ETF1: variants seen among roughly 807,000 people sequenced by gnomAD.
ETF1 encodes the protein eukaryotic peptide chain release factor subunit 1.
In ETF1, 4 loss-of-function variants were observed where a neutral mutation model predicts 55.1. The ratio of observed to expected loss-of-function variants is 0.07; its 90% CI spans 0.04 to 0.17. The LOEUF (loss-of-function observed/expected upper bound fraction) is 0.17. Ranked by LOEUF, ETF1 falls within the 10% of genes least tolerant of loss-of-function variation. ETF1 has a pLI of 1.00. For synonymous variants in ETF1, 157 were observed against 182.3 expected, an observed-to-expected ratio of 0.86 and a Z score of 1.12; for missense variants, 142 against 523.6, an observed-to-expected ratio of 0.27 and a Z score of 7.11.
chr5:138,523,741 A>G (rs1453609466), intron 2 of ETF1, among the ~76,000 whole-genome samples: 1 of 152,180 alleles, frequency 6.6e-6, no homozygotes, highest in Non-Finnish European at 1.5e-5. Flanking sequence ...TAGTGGTTGC[A>G]CAACTCTGGA....
chr5:138,526,068 G>C (rs1030926212), intron 2 of ETF1, among the ~76,000 whole-genome samples: 6 of 151,980 alleles, frequency 3.9e-5, no homozygotes, highest in Non-Finnish European at 5.9e-5. Flanking sequence ...ACCCTTAAAG[G>C]GTATATAAGT....
At chr5:138,517,094 G>A (rs191945160) in intron 4 of ETF1, among the ~76,000 whole-genome samples, 1 of 152,304 alleles carries the variant, frequency 6.6e-6, no homozygotes, top group East Asian at 1.9e-4. Context: ...GTCCAGGCTG[G>A]GCGGGGTTGC....
Position 138,529,608 on chromosome 5 carries a change from GT to G in ETF1, c.87-10742del, listed in dbSNP as rs1247646121. 34 of 985,262 alleles carry G rather than the reference GT, an allele frequency of 3.5e-5. No individual in the cohort carries two copies. In the African/African-American group the frequency reaches 5.9e-4, roughly 17 times the overall value. 61.0% of individuals were successfully genotyped at this position (985,262 alleles called of 1,614,324 possible). A position where few individuals can be genotyped will look rare whatever the true frequency, so the allele number is the denominator to read the frequency against. ...GCCTCTGCACTCAGATTCTCTTCTT[GT>G]TCTCATTGGTTTTAGGGGCACTTTG... On this transcript the variant is annotated intron_variant, in intron 2 of 10. Transcript: ENST00000360541.
intron 2 of ETF1, among the ~76,000 whole-genome samples, chr5:138,526,584 T>G (rs187613405): frequency 6.6e-6 from 1 of 152,184 alleles, no homozygotes; most frequent in South Asian, 2.1e-4. Context: ...TTGCTCAGGC[T>G]GGAGTACAGT....
chr5:138,528,138 T>C (rs1386824185), intron 2 of ETF1, among the ~76,000 whole-genome samples: 1 of 152,096 alleles, frequency 6.6e-6, no homozygotes, highest in South Asian at 2.1e-4. Flanking sequence ...CAGAGAATAG[T>C]TTCCTAAGAT....
At chr5:138,529,137 AAAAC>A (rs1765593587) in intron 2 of ETF1, among the ~76,000 whole-genome samples, 2 of 152,178 alleles carry the variant, frequency 1.3e-5, no homozygotes, top group African/African-American at 4.8e-5. Context: ...TCAAAAAACA[AAAAC>A]AAAACCAACA....
At chr5:138,526,686 A>G (rs773620622) in intron 2 of ETF1, among the ~76,000 whole-genome samples, 1 of 149,636 alleles carries the variant, frequency 6.7e-6, no homozygotes, top group Non-Finnish European at 1.5e-5. Flanking sequence ...ACAGGCATGC[A>G]CCATCATGCC....
At chr5:138,538,599 G>C (rs1273169855) in intron 2 of ETF1, among the ~76,000 whole-genome samples, 3 of 152,078 alleles carry the variant, frequency 2.0e-5, no homozygotes, top group African/African-American at 4.8e-5. Flanking sequence ...AACTTTAAAT[G>C]GTTCAGGTAT....
chr5:138,514,437 C>T (rs1186143418), intron 4 of ETF1, among the ~76,000 whole-genome samples: 1 of 152,106 alleles, frequency 6.6e-6, no homozygotes, highest in Admixed American at 6.6e-5. Flanking sequence ...TGCCTGTAGT[C>T]CCTACCAGCT....
chr5:138,511,340 T>C lies in ETF1; in HGVS notation c.862+135A>G, dbSNP rs1764766857. On this transcript the variant is annotated intron_variant, in intron 7 of 10. Coordinates refer to ENST00000360541, the MANE Select transcript of ETF1 (RefSeq NM_004730.4). ...AAAGAGTTAATAAAAATACTAAATA[T>C]TCCTTTTTACATTTTTGGTACCTTG... The C allele has an allele frequency of 3.3e-6, 5 of 1,503,568 alleles. No individual in the cohort carries two copies. The East Asian group carries it at 1.2e-4, about 36-fold the overall frequency. The allele number at this position is 1,503,568 out of a possible 1,614,324, so 93.1% of individuals were successfully genotyped here. A position where few individuals can be genotyped will look rare whatever the true frequency, so the allele number is the denominator to read the frequency against.
chr5:138,541,809 G>A (rs1766189296), intron 2 of ETF1: 3 of 478,642 alleles, frequency 6.3e-6, no homozygotes, highest in Admixed American at 3.9e-5. Flanking sequence ...TCTATGACTG[G>A]GAAAGGAACA....
chr5:138,536,783 G>T (rs544453067), intron 2 of ETF1, among the ~76,000 whole-genome samples: 1 of 152,192 alleles, frequency 6.6e-6, no homozygotes, highest in Non-Finnish European at 1.5e-5. Context: ...TTTTAACAAT[G>T]AAGTACCATC....
In ETF1 at chr5:138,538,659, C is replaced by G. The variant is rs189025641; in HGVS notation, c.86+4174G>C. 9.3e-5 allele frequency among the ~76,000 whole-genome samples: 14 copies of G among 150,492 alleles called. 1 individual carries two copies. The East Asian group carries it at 2.1e-3, about 23-fold the overall frequency. On this transcript the variant is annotated intron_variant, in intron 2 of 10. Transcript: ENST00000360541. The stretch of plus-strand genomic sequence containing the variant: ...ATTTTAGCTACAACCAGCCCTTCAA[C>G]GATAGTGAGGGAAAAAAAAAAAGAA...
In ETF1 at chr5:138,507,699, G is replaced by A. The variant is rs1764608043; in HGVS notation, c.*606C>T. 1 of 152,778 alleles carries A rather than the reference G, an allele frequency of 6.5e-6. No individual in the cohort carries two copies. The highest frequency in any genetic ancestry group is 1.5e-5 in the Non-Finnish European group (1 of 68,156). 9.5% of individuals were successfully genotyped at this position (152,778 alleles called of 1,614,324 possible). ...ATCCTTGAAACTGCCAGTCTGGAGG[G>A]GGACGGGGTAGCGTGAGGGAGTGAA... On this transcript the variant is annotated 3_prime_UTR_variant, in exon 11 of 11. Transcript: ENST00000360541.
At chr5:138,521,809 C>T (rs1016884068) in intron 2 of ETF1, among the ~76,000 whole-genome samples, 5 of 152,218 alleles carry the variant, frequency 3.3e-5, no homozygotes, top group Admixed American at 1.3e-4. Flanking sequence ...GGATTACAGG[C>T]GTGAGCCACC....
At chr5:138,542,068 G>C (rs906983024) in intron 2 of ETF1, among the ~76,000 whole-genome samples, 3 of 152,166 alleles carry the variant, frequency 2.0e-5, no homozygotes, top group African/African-American at 7.2e-5. Context: ...ACAAGTTTCA[G>C]AGAAATGCCA....
At chr5:138,508,866 G>A in intron 9 of ETF1, 50 bp from the exon 10 acceptor site, 1 of 1,587,698 alleles carries the variant, frequency 6.3e-7, no homozygotes, top group Non-Finnish European at 8.6e-7. Flanking sequence ...GATATATGAA[G>A]GCTAATTAGT....
At chr5:138,510,987 C>T in intron 8 of ETF1, 58 bp downstream of exon 8, 1 of 1,579,702 alleles carries the variant, frequency 6.3e-7, no homozygotes, top group Non-Finnish European at 8.6e-7. Flanking sequence ...TCCCAAATCT[C>T]CACCCCAGGC....
intron 4 of ETF1, among the ~76,000 whole-genome samples, chr5:138,515,982 T>G (rs902134137): frequency 2.0e-5 from 3 of 152,200 alleles, no homozygotes; most frequent in Non-Finnish European, 2.9e-5. Flanking sequence ...TGTAGAGGTT[T>G]TTCCCTAGGT....
Sources: gnomAD v4.1 joint callset for allele counts (sites outside exome capture counted in the v4.1 genomes callset) on GRCh38, gnomAD v4.1.1 for gene constraint, MANE v1.5 for transcripts, NCBI Gene and HGNC (gene_info 2026-07-23, HGNC 2026-07-21) for gene names.